The following SMU1 variants were observed in gnomAD, a reference collection of about 807,000 sequenced individuals.
SMU1 encodes the protein WD40 repeat-containing protein SMU1.
A neutral mutation model predicts 62.0 loss-of-function variants in SMU1; 2 were observed. The ratio of observed to expected loss-of-function variants is 0.03; its 90% CI spans 0.01 to 0.10. SMU1 has a LOEUF of 0.10. Among genes scored for constraint, SMU1 ranks in the 10% least tolerant of loss-of-function variants. SMU1 has a pLI of 1.00. For missense variants in SMU1, 227 were observed against 622.1 expected, an observed-to-expected ratio of 0.36 and a Z score of 6.76; for synonymous variants, 188 against 212.4, an observed-to-expected ratio of 0.89 and a Z score of 1.00.
intron 1 of SMU1, among the ~76,000 whole-genome samples, chr9:33,074,830 G>C (rs1839527512): frequency 6.8e-6 from 1 of 148,108 alleles, no homozygotes; most frequent in South Asian, 2.1e-4. Flanking sequence ...GGACAGAATA[G>C]TGGCGTGATT....
intron 1 of SMU1, among the ~76,000 whole-genome samples, chr9:33,076,049 A>G (rs1481810721): frequency 6.6e-6 from 1 of 152,314 alleles, no homozygotes; most frequent in East Asian, 1.9e-4. Flanking sequence ...CCTCTAAGGT[A>G]TGCTAGACAC....
chr9:33,076,613 G>GT lies in SMU1; in HGVS notation c.-6dup, dbSNP rs1839549454. 4 of 1,613,750 alleles carry GT rather than the reference G, an allele frequency of 2.5e-6. No individual in the cohort carries two copies. Among genetic ancestry groups the GT allele is most frequent in the African/African-American group, 2.7e-5 (2 of 74,928 alleles). On this transcript the variant is annotated 5_prime_UTR_variant, in exon 1 of 12. Transcript: ENST00000397149. ...AGATTCGATTTCGATCGACATAGCC[G>GT]TATCTCTCCGGGAGCAGGCCCCAGC...
At chr9:33,075,482 C>T (rs1414324021) in intron 1 of SMU1, among the ~76,000 whole-genome samples, 1 of 152,110 alleles carries the variant, frequency 6.6e-6, no homozygotes, top group African/African-American at 2.4e-5. Context: ...TGTTATTCTG[C>T]TATGATACTA....
intron 4 of SMU1, among the ~76,000 whole-genome samples, chr9:33,064,979 T>C (rs1008970643): frequency 6.6e-6 from 1 of 152,144 alleles, no homozygotes; most frequent in East Asian, 1.9e-4. Context: ...CTGACCTCGG[T>C]TGATCCACCC....
rs1350989153 is a variant in SMU1 at position 33,042,053 on chromosome 9, ATTGT to A, written c.*5236_*5239del. ...GTAAATAATGCCACTGAATTGCACA[ATTGT>A]TTAGGAAAATTTGTTACATGTTTTA... On this transcript the variant is annotated 3_prime_UTR_variant, in exon 12 of 12. Coordinates refer to ENST00000397149, the MANE Select transcript of SMU1 (RefSeq NM_018225.3). 6.6e-6 allele frequency: 1 copy of A among 152,500 alleles called. No homozygotes were observed. Among genetic ancestry groups the A allele is most frequent in the Non-Finnish European group, 1.5e-5 (1 of 68,038 alleles). The allele number at this position is 152,500 out of a possible 1,614,324, so 9.4% of individuals were successfully genotyped here.
rs915509115 is a variant in SMU1, at chr9:33,044,428, T to C, written c.*2865A>G. On this transcript the variant is annotated 3_prime_UTR_variant, in exon 12 of 12. Transcript: ENST00000397149. ...GGCCCTGGACCCAAGATGGGACTCC[T>C]ACCTCCGACCACCCGGAGCAGCGGC... The C allele has an allele frequency of 6.6e-6, 1 of 152,334 alleles. No homozygotes were observed. Among genetic ancestry groups the C allele is most frequent in the African/African-American group, 2.4e-5 (1 of 41,454 alleles). 9.4% of individuals were successfully genotyped at this position (152,334 alleles called of 1,614,324 possible).
chr9:33,069,090 A>C (rs1046883499), intron 3 of SMU1, 156 bp from the exon 4 acceptor site: 2 of 872,110 alleles, frequency 2.3e-6, no homozygotes, highest in African/African-American at 1.8e-5. Context: ...TTAGTTTTTG[A>C]AAATGACTTC....
At chr9:33,067,855 T>C (rs1357078854) in intron 4 of SMU1, among the ~76,000 whole-genome samples, 1 of 152,194 alleles carries the variant, frequency 6.6e-6, no homozygotes, top group African/African-American at 2.4e-5. Flanking sequence ...CAAATAGCTT[T>C]TTGGTCCTTT....
At chr9:33,054,524 C>T (rs115657453) in intron 9 of SMU1, among the ~76,000 whole-genome samples, 10 of 152,270 alleles carry the variant, frequency 6.6e-5, no homozygotes, top group African/African-American at 1.9e-4. Context: ...TTACTTTTCC[C>T]GGTCTATCTT....
rs1839195838 is a variant in SMU1, at chr9:33,047,219, A to G, written c.*74T>C. 9.5e-7 allele frequency: 1 copy of G among 1,056,916 alleles called. No individual in the cohort carries two copies. The allele number at this position is 1,056,916 out of a possible 1,614,324, so 65.5% of individuals were successfully genotyped here. A position where few individuals can be genotyped will look rare whatever the true frequency, so the allele number is the denominator to read the frequency against. On this transcript the variant is annotated 3_prime_UTR_variant, in exon 12 of 12. Transcript: ENST00000397149. ...TTTGCTTAGAAAAGCTGGCAAAAAA[A>G]AAAAAAAGCACATTACATGAATATG...
chr9:33,048,787 T>C (rs78511542), intron 10 of SMU1, among the ~76,000 whole-genome samples: 1,803 of 152,290 alleles, frequency 0.012, 43 homozygotes, highest in African/African-American at 0.041. Context: ...ATTTTCAAAA[T>C]GACAAAATTA....
In SMU1 at chr9:33,042,401, C is replaced by T. The variant is rs1348940719; in HGVS notation, c.*4892G>A. The stretch of plus-strand genomic sequence containing the variant: ...CCTATGAAAAAACATTAACCAAGGT[C>T]ATCATCCACAAAAATACAAGTTCCA... On this transcript the variant is annotated 3_prime_UTR_variant, in exon 12 of 12. Transcript: ENST00000397149. 1 of 152,626 alleles carries T rather than the reference C, an allele frequency of 6.6e-6. No individual in the cohort carries two copies. The highest frequency in any genetic ancestry group is 1.5e-5 in the Non-Finnish European group (1 of 68,044). 9.5% of individuals were successfully genotyped at this position (152,626 alleles called of 1,614,324 possible). A position where few individuals can be genotyped will look rare whatever the true frequency, so the allele number is the denominator to read the frequency against.
At chr9:33,048,461 G>A (rs1175866504) in intron 10 of SMU1, among the ~76,000 whole-genome samples, 2 of 152,128 alleles carry the variant, frequency 1.3e-5, no homozygotes, top group Non-Finnish European at 2.9e-5. Flanking sequence ...AAACTAAGTG[G>A]CAGACAAAAA....
intron 4 of SMU1, among the ~76,000 whole-genome samples, chr9:33,065,870 G>GT (rs1564023836): frequency 6.6e-6 from 1 of 152,158 alleles, no homozygotes; most frequent in Non-Finnish European, 1.5e-5. Flanking sequence ...CAGGGTGGAG[G>GT]TGAGAAGCCA....
rs1301769592 is a variant in SMU1, at chr9:33,062,043, T to G, written c.630+6A>C. 1.2e-6 allele frequency: 2 copies of G among 1,612,914 alleles called. No individual in the cohort carries two copies. Among genetic ancestry groups the G allele is most frequent in the Non-Finnish European group, 1.7e-6 (2 of 1,179,662 alleles). Reference sequence around the variant, plus strand: ...TACTGACTGGCTGAATGTCTTAGGATCCTACCTTAATATGCCTGCTCAGTT... The same window carrying G: ...TACTGACTGGCTGAATGTCTTAGGAGCCTACCTTAATATGCCTGCTCAGTT... On this transcript the variant is annotated splice_donor_region_variant and intron_variant, in intron 5 of 11. Coordinates refer to ENST00000397149, the MANE Select transcript of SMU1 (RefSeq NM_018225.3).
chr9:33,070,886 G>A (rs1048595706), intron 3 of SMU1, among the ~76,000 whole-genome samples: 3 of 152,076 alleles, frequency 2.0e-5, no homozygotes, highest in South Asian at 2.1e-4. Flanking sequence ...TGGAGGTGGC[G>A]GGGGTAAGAA....
At chr9:33,075,203 C>T (rs1413144333) in intron 1 of SMU1, among the ~76,000 whole-genome samples, 1 of 152,128 alleles carries the variant, frequency 6.6e-6, no homozygotes, top group Non-Finnish European at 1.5e-5. Context: ...GGTGAAACCC[C>T]GTCTCTACTA....
chr9:33,062,255 C>T (rs1173457563), intron 4 of SMU1, 78 bp from the exon 5 acceptor site: 10 of 1,513,278 alleles, frequency 6.6e-6, no homozygotes, highest in Admixed American at 2.1e-5. Context: ...AAACCAAGCC[C>T]GAAAGGATGA....
chr9:33,062,960 G>A lies in SMU1; in HGVS notation c.502-783C>T, dbSNP rs1839379259. Among the ~76,000 whole-genome samples, 3 of 152,300 alleles carry A rather than the reference G, an allele frequency of 2.0e-5. No individual in the cohort carries two copies. The South Asian group carries it at 6.2e-4, about 32-fold the overall frequency. ...GCACTAGTGTTCACAACTGCATTAT[G>A]AGGGGTGAAATAATGAACTTTGGAG... On this transcript the variant is annotated intron_variant, in intron 4 of 11. Coordinates refer to ENST00000397149, the MANE Select transcript of SMU1 (RefSeq NM_018225.3).
Sources: gnomAD v4.1 joint callset for allele counts (sites outside exome capture counted in the v4.1 genomes callset) on GRCh38, gnomAD v4.1.1 for gene constraint, MANE v1.5 for transcripts, NCBI Gene and HGNC (gene_info 2026-07-23, HGNC 2026-07-21) for gene names.